ZNF202: variants seen among roughly 807,000 people sequenced by gnomAD.
The protein encoded by ZNF202 is zinc finger protein 202.
In ZNF202, 22 loss-of-function variants were observed where a neutral mutation model predicts 54.5. That is an observed-to-expected ratio of 0.40 (90% CI 0.29 to 0.58). The LOEUF is 0.58. Among genes scored for constraint, ZNF202 ranks in the 20% least tolerant of loss-of-function variants. ZNF202 has a pLI of 0.39. For synonymous variants in ZNF202, 294 were observed against 301.4 expected (o/e 0.98, Z 0.26); for missense variants, 644 against 805.5 (o/e 0.80, Z 2.43).
chr11:123,739,824 T>TG (rs1861788787), intron 3 of ZNF202, among the ~76,000 whole-genome samples: 1 of 152,224 alleles, frequency 6.6e-6, no homozygotes, highest in Admixed American at 6.5e-5. Context: ...CATCAGTACC[T>TG]GAGCCTTGTT....
In ZNF202 at chr11:123,729,191, C is replaced by T. The variant is rs1423890378; in HGVS notation, c.637G>A (p.Asp213Asn). Residue 213 changes from aspartate to asparagine, a missense_variant, in exon 6 of 9, where the codon GAC (aspartate) becomes AAC (asparagine). Asp to Asn is a conservative substitution (Grantham distance 23). Around this residue, in one of 3 missense-constraint regions of ZNF202, gnomAD observed 536 missense variants for 635.3 expected, o/e 0.84. Transcript: ENST00000530393. ...ESEVPVPEDP[D>N]LPAERSSGDS... ...CCAGAGCTCCTCTCTGCAGGAAGGTCTGGGTCCTCGGGCACTGGGACCTCT... is the reference window on the plus strand; with the variant it reads ...CCAGAGCTCCTCTCTGCAGGAAGGTTTGGGTCCTCGGGCACTGGGACCTCT... The T allele has an allele frequency of 1.2e-6, 2 of 1,613,800 alleles. No homozygotes were observed. Among genetic ancestry groups the T allele is most frequent in the East Asian group, 4.5e-5 (2 of 44,886 alleles).
At position 123,730,507 on chromosome 11, in the gene ZNF202, G is replaced by A. The variant is rs1217188147; in HGVS notation, c.382C>T (p.Pro128Ser). ...CTCACCCACCGCCTTGGTCTCCTGGGTTGTTTCTGCAAACCCTCCACCAGC... is the reference window on the plus strand; with the variant it reads ...CTCACCCACCGCCTTGGTCTCCTGGATTGTTTCTGCAAACCCTCCACCAGC... Reference protein sequence around the residue: ...VTLVEGLQKQPRRPRRWVTVH... With the variant: ...VTLVEGLQKQSRRPRRWVTVH... Residue 128 changes from proline (P) to serine (S), a missense_variant, in exon 4 of 9, where the codon CCC becomes TCC. Pro to Ser is a moderately conservative substitution (Grantham distance 74, BLOSUM62 -1). This residue lies in a region of ZNF202 where 62 missense variants were observed against 122.8 expected (regional missense o/e 0.50). Transcript: ENST00000530393. The surrounding 1 kb of genome is among the most constrained non-coding windows in gnomAD (Gnocchi z 6.0). The A allele has an allele frequency of 1.3e-6, 2 of 1,533,714 alleles. No homozygotes were observed. The highest frequency in any genetic ancestry group is 2.3e-5 in the East Asian group (1 of 44,296).
rs1861408359 is a variant in ZNF202 at position 123,731,587 on chromosome 11, T to A, written c.-97-602A>T. Among the ~76,000 whole-genome samples the A allele has an allele frequency of 3.3e-5, 5 of 152,224 alleles. No homozygotes were observed. The South Asian group carries it at 1.0e-3, about 31-fold the overall frequency. On this transcript the variant is annotated intron_variant, in intron 3 of 8. Coordinates refer to ENST00000530393, the MANE Select transcript of ZNF202 (RefSeq NM_003455.4). Reference sequence around the variant, plus strand: ...AGTTCTGGAGTCAAGCTGCCTGGGTTTGAATCCTGGCTCTGTCGCTTACTA... The same window carrying A: ...AGTTCTGGAGTCAAGCTGCCTGGGTATGAATCCTGGCTCTGTCGCTTACTA...
In ZNF202 at chr11:123,730,852, A is replaced by G. The variant is rs1861375780; in HGVS notation, c.37T>C (p.Trp13Arg). The G allele has an allele frequency of 6.2e-7, 1 of 1,614,156 alleles. No individual in the cohort carries two copies. Among genetic ancestry groups the G allele is most frequent in the African/African-American group, 1.3e-5 (1 of 75,048 alleles). The change falls in exon 4 of 9, where the codon TGG becomes CGG. Residue 13 changes from tryptophan (W) to arginine (R), a missense_variant. Trp to Arg is a moderately radical substitution (Grantham distance 101). This residue lies in a region of ZNF202 where 46 missense variants were observed against 47.4 expected (regional missense o/e 0.97). Transcript: ENST00000530393. The surrounding 1 kb of genome is among the most constrained non-coding windows in gnomAD (Gnocchi z 6.0). ...ACCATCAGAATTCCCTCTTCTTCCC[A>G]AAGATCCTGGTCCTCTGGTTCCACG... ...TAVEPEDQDL[W>R]EEEGILMVKL...
intron 6 of ZNF202, among the ~76,000 whole-genome samples, chr11:123,728,690 T>C (rs985342073): frequency 6.6e-6 from 1 of 152,188 alleles, no homozygotes; most frequent in African/African-American, 2.4e-5. Context: ...TCTAAAACCA[T>C]ACATGAATTC....
chr11:123,738,148 A>G (rs1004395901), intron 3 of ZNF202, among the ~76,000 whole-genome samples: 2 of 152,170 alleles, frequency 1.3e-5, no homozygotes. Flanking sequence ...AGTATCTGGG[A>G]CTACAGCACA....
At position 123,726,437 on chromosome 11, in the gene ZNF202, G is replaced by A; in HGVS notation, c.1507C>T (p.His503Tyr). Residue 503 changes from histidine (H) to tyrosine (Y), a missense_variant, in exon 9 of 9, where the codon CAT becomes TAT. Physicochemically the swap from His to Tyr is moderately conservative, Grantham distance 83. Coordinates refer to ENST00000530393, the MANE Select transcript of ZNF202 (RefSeq NM_003455.4). The surrounding 1 kb of genome is among the most constrained non-coding windows in gnomAD (Gnocchi z 6.0). The stretch of plus-strand genomic sequence containing the variant: ...CAAAAGAAGGGTTTTTCTCCAGTAT[G>A]TGTCCTCTGATGTCTGACAAGGTCT... ...TSDLVRHQRT[H>Y]TGEKPFFCTI... 6.2e-7 allele frequency: 1 copy of A among 1,614,234 alleles called. No homozygotes were observed. The highest frequency in any genetic ancestry group is 2.2e-5 in the East Asian group (1 of 44,884).
intron 5 of ZNF202, 151 bp from the exon 6 acceptor site, chr11:123,729,365 T>C (rs1177383955): frequency 5.9e-6 from 5 of 840,564 alleles, no homozygotes; most frequent in Admixed American, 2.4e-5. Context: ...AGCTCCCATA[T>C]CCCAATCCCA....
intron 7 of ZNF202, 69 bp downstream of exon 7, chr11:123,728,064 C>A (rs1591375441): frequency 1.3e-6 from 2 of 1,552,020 alleles, no homozygotes; most frequent in South Asian, 1.1e-5. Flanking sequence ...GGTCTAAGAT[C>A]CCCCAAAATT....
intron 6 of ZNF202, 22 bp from the exon 7 acceptor site, chr11:123,728,284 A>G (rs1243020926): frequency 2.5e-6 from 4 of 1,596,612 alleles, no homozygotes; most frequent in Non-Finnish European, 3.4e-6. Context: ...TAAGGATTTC[A>G]TCAAAACGTG....
Position 123,726,239 on chromosome 11 carries a change from C to G in ZNF202, c.1705G>C (p.Glu569Gln), listed in dbSNP as rs779754451. ...CTGTGGGTGAAGCAGCGCCCGCACT[C>G]GCTGCAGAGGTAGAGTTCCTCAGCA... is the stretch of plus-strand genomic sequence containing the variant. ...HAAEELYLCSECGRCFTHSAA... is the reference protein window; with the variant it reads ...HAAEELYLCSQCGRCFTHSAA... The change falls in exon 9 of 9, where the codon GAG (glutamate) becomes CAG (glutamine). Residue 569 changes from glutamate (E) to glutamine (Q), a missense_variant. Physicochemically the swap from Glu to Gln is conservative, Grantham distance 29. Transcript: ENST00000530393. This position sits in a 1 kb window ranked among gnomAD's most constrained non-coding sequence, Gnocchi z 6.0. 1 of 1,614,216 alleles carries G rather than the reference C, an allele frequency of 6.2e-7. No homozygotes were observed. Among genetic ancestry groups the G allele is most frequent in the Admixed American group, 1.7e-5 (1 of 60,026 alleles).
chr11:123,741,645 T>C lies in ZNF202; in HGVS notation c.-390A>G, dbSNP rs1300099086. On this transcript the variant is annotated 5_prime_UTR_variant, in exon 1 of 9. Transcript: ENST00000530393. ...CGCCGGATCCGAGCCGCGCGGGGCC[T>C]AGCGGGTCGGAACACGTGGGGCCTT... 6.5e-6 allele frequency: 1 copy of C among 152,696 alleles called. No individual in the cohort carries two copies. Among genetic ancestry groups the C allele is most frequent in the Non-Finnish European group, 1.5e-5 (1 of 68,090 alleles). 9.5% of individuals were successfully genotyped at this position (152,696 alleles called of 1,614,324 possible).
intron 6 of ZNF202, 47 bp downstream of exon 6, chr11:123,729,079 G>C (rs760762600): frequency 6.3e-7 from 1 of 1,591,854 alleles, no homozygotes; most frequent in South Asian, 1.1e-5. Flanking sequence ...TATGCCCAGT[G>C]GTTCTTCAAA....
In ZNF202 at chr11:123,726,103, G is replaced by A; in HGVS notation, c.1841C>T (p.Thr614Ile). 6.2e-7 allele frequency: 1 copy of A among 1,614,214 alleles called. No homozygotes were observed. Among genetic ancestry groups the A allele is most frequent in the Non-Finnish European group, 8.5e-7 (1 of 1,180,038 alleles). Residue 614 changes from threonine to isoleucine, a missense_variant, in exon 9 of 9, where the codon ACA becomes ATA. Physicochemically the swap from Thr to Ile is moderately conservative, Grantham distance 89 (BLOSUM62 -1). This residue lies in a region of ZNF202 where 536 missense variants were observed against 635.3 expected (regional missense o/e 0.84). Coordinates refer to ENST00000530393, the MANE Select transcript of ZNF202 (RefSeq NM_003455.4). The surrounding 1 kb of genome is among the most constrained non-coding windows in gnomAD (Gnocchi z 6.0). ...RRDHLVRHQR[T>I]HTGEKPFTCP... is the part of the protein sequence containing the mutation. ...CGTGAATGGTTTCTCCCCAGTGTGT[G>A]TTCTCTGATGCCTGACGAGGTGGTC...
intron 3 of ZNF202, among the ~76,000 whole-genome samples, chr11:123,737,621 A>T (rs1161063034): frequency 6.6e-6 from 1 of 152,236 alleles, no homozygotes; most frequent in Non-Finnish European, 1.5e-5. Context: ...GGGAATAAAC[A>T]TGTCATTGAG....
At position 123,724,235 on chromosome 11, in the gene ZNF202, C is replaced by T. The variant is rs1231299893; in HGVS notation, c.*1762G>A. Reference sequence around the variant, plus strand: ...CTTCCTTTCCTCAAGGAAAAATACTCTGTACTCCCAGATCTATTTGAGTAT... The same window carrying T: ...CTTCCTTTCCTCAAGGAAAAATACTTTGTACTCCCAGATCTATTTGAGTAT... On this transcript the variant is annotated 3_prime_UTR_variant, in exon 9 of 9. Coordinates refer to ENST00000530393, the MANE Select transcript of ZNF202 (RefSeq NM_003455.4). The T allele has an allele frequency of 2.6e-5, 4 of 152,196 alleles. No homozygotes were observed. The highest frequency in any genetic ancestry group is 9.7e-5 in the African/African-American group (4 of 41,446). The allele number at this position is 152,196 out of a possible 1,614,324, so 9.4% of individuals were successfully genotyped here.
At position 123,726,171 on chromosome 11, in the gene ZNF202, CCTCA is replaced by C; in HGVS notation, c.1769_1772del (p.Val590GlyfsTer46). ...TCCCACATTCGTTGCATCGGCAGGG[CCTCA>C]CTGAGGCGTGTCCTCTCAAGTGCTT... On this transcript the variant is annotated frameshift_variant, in exon 9 of 9. Coordinates refer to ENST00000530393, the MANE Select transcript of ZNF202 (RefSeq NM_003455.4). LOFTEE classifies it high-confidence loss of function. The surrounding 1 kb of genome is among the most constrained non-coding windows in gnomAD (Gnocchi z 6.0). 1 of 1,614,218 alleles carries C rather than the reference CCTCA, an allele frequency of 6.2e-7. No individual in the cohort carries two copies. Among genetic ancestry groups the C allele is most frequent in the Non-Finnish European group, 8.5e-7 (1 of 1,180,034 alleles).
intron 3 of ZNF202, among the ~76,000 whole-genome samples, chr11:123,734,356 C>T (rs901001737): frequency 6.6e-6 from 1 of 152,192 alleles, no homozygotes; most frequent in African/African-American, 2.4e-5. Flanking sequence ...CCTTCAAAAG[C>T]TGGTCCCTGC....
intron 1 of ZNF202, among the ~76,000 whole-genome samples, chr11:123,740,818 C>T (rs1861829543): frequency 6.6e-6 from 1 of 152,212 alleles, no homozygotes; most frequent in Non-Finnish European, 1.5e-5. Flanking sequence ...TCAAGACACT[C>T]AAGAAGTAGG....
Sources: gnomAD v4.1 joint callset for allele counts (sites outside exome capture counted in the v4.1 genomes callset) on GRCh38, gnomAD v4.1.1 for gene constraint, gnomAD v4.1.1 regional missense constraint, Gnocchi (gnomAD v3.1) non-coding constraint, MANE v1.5 for transcripts, NCBI Gene and HGNC (gene_info 2026-07-23, HGNC 2026-07-21) for gene names.